PPEF1: variants seen among roughly 807,000 people sequenced by gnomAD.
PPEF1 encodes serine/threonine-protein phosphatase with EF-hands 1.
Under a neutral mutation model 53.3 loss-of-function variants are expected in PPEF1, and 12 were observed. That is an observed-to-expected ratio of 0.23 (90% CI 0.14 to 0.36). The LOEUF (loss-of-function observed/expected upper bound fraction) is 0.36. PPEF1 is among the 10% of genes least tolerant of loss of function. PPEF1 has a pLI of 1.00. For synonymous variants in PPEF1, 165 were observed against 176.7 expected (o/e 0.93, Z 0.52); for missense variants, 334 against 490.4 (o/e 0.68, Z 3.01).
intron 12 of PPEF1, among the ~76,000 whole-genome samples, chrX:18,813,712 T>C (rs1169597640): frequency 8.9e-6 from 1 of 112,027 alleles, no homozygotes; most frequent in Non-Finnish European, 1.9e-5. Flanking sequence ...ATGCCTCTCG[T>C]CAAGTGGAAG....
intron 3 of PPEF1, among the ~76,000 whole-genome samples, chrX:18,739,589 C>T (rs1324073453): frequency 8.9e-6 from 1 of 112,199 alleles, no homozygotes; most frequent in Non-Finnish European, 1.9e-5. Flanking sequence ...GTCAGGGACC[C>T]ACTTGAGGAG....
chrX:18,725,715 G>T (rs111466208), intron 1 of PPEF1, among the ~76,000 whole-genome samples: 23 of 111,793 alleles, frequency 2.1e-4, no homozygotes, highest in African/African-American at 7.5e-4. Context: ...ATGTGTGCTC[G>T]GGTACAGGCG....
chrX:18,759,139 T>C (rs1235278028), intron 5 of PPEF1, among the ~76,000 whole-genome samples: 2 of 111,510 alleles, frequency 1.8e-5, no homozygotes, highest in Non-Finnish European at 3.8e-5. Context: ...GACATCTCCA[T>C]TGGTTAAAGA....
intron 3 of PPEF1, among the ~76,000 whole-genome samples, chrX:18,740,009 C>A (rs865850314): frequency 8.9e-6 from 1 of 112,299 alleles, no homozygotes; most frequent in Non-Finnish European, 1.9e-5. Context: ...GTGGGAGTGT[C>A]CTGATTTTCC....
Position 18,677,119 on chromosome X carries a change from A to C in PPEF1, c.-587+989A>C, listed in dbSNP as rs770652044. Among the ~76,000 whole-genome samples, 6 of 106,138 alleles carry C rather than the reference A, an allele frequency of 5.7e-5. No homozygotes were observed. The South Asian group carries it at 1.3e-3, about 23-fold the overall frequency. The allele number at this position is 106,138 out of a possible 115,157, so 92.2% of individuals were successfully genotyped here. The stretch of plus-strand genomic sequence containing the variant: ...AGTGGCACGATCTCAGCTCACTGCA[A>C]CCTCTGCCTCCCGTTCGAGCAATTC... On this transcript the variant is annotated intron_variant, in intron 1 of 20. Transcript: ENST00000689646.
chrX:18,825,969 C>A, intron 15 of PPEF1, 134 bp downstream of exon 15: 1 of 405,070 alleles, frequency 2.5e-6, no homozygotes, highest in Non-Finnish European at 4.2e-6. Flanking sequence ...AGATGGAGGC[C>A]TTGCTTATGC....
chrX:18,688,640 A>G (rs941008723), intron 3 of PPEF1: 1 of 112,514 alleles, frequency 8.9e-6, no homozygotes, highest in African/African-American at 3.2e-5. Context: ...AGTCTTTGAA[A>G]TCTTTAGCTT....
intron 1 of PPEF1, among the ~76,000 whole-genome samples, chrX:18,676,572 G>T (rs1928684247): frequency 9.0e-6 from 1 of 111,124 alleles, no homozygotes; most frequent in South Asian, 3.8e-4. Flanking sequence ...CCAGCCACCG[G>T]CCGGAGGATA....
In PPEF1 at chrX:18,804,978, C is replaced by CT. The variant is rs1243657622; in HGVS notation, c.1251+911dup. Among the ~76,000 whole-genome samples the CT allele has an allele frequency of 1.6e-4, 17 of 107,198 alleles. No individual in the cohort carries two copies. In the South Asian group the frequency reaches 5.7e-3, roughly 36 times the overall value. The allele number at this position is 107,198 out of a possible 115,157, so 93.1% of individuals were successfully genotyped here. On this transcript the variant is annotated intron_variant, in intron 11 of 15. Transcript: ENST00000470157. ...CAAGTTGTTCTGGGATGCACCGTTT[C>CT]TTTTTTTTTTCTTTTTTCTTTTTTT...
intron 2 of PPEF1, among the ~76,000 whole-genome samples, chrX:18,731,973 G>A (rs959949718): frequency 3.6e-5 from 4 of 111,892 alleles, no homozygotes; most frequent in African/African-American, 9.7e-5. Flanking sequence ...TGCAACCTCC[G>A]CCTCCCAGGT....
chrX:18,707,803 C>T lies in PPEF1; in HGVS notation c.23C>T (p.Thr8Met), dbSNP rs143148558. 60 of 1,207,839 alleles carry T rather than the reference C, an allele frequency of 5.0e-5. No homozygotes were observed. The highest frequency in any genetic ancestry group is 2.3e-4 in the Middle Eastern group (1 of 4,367). ...GTCATGGGATGCAGCAGTTCTTCAA[C>T]GAAAACCAGGAGATCTGACACATGT... MGCSSSS[T>M]KTRRSDTSLR... The change falls in exon 1 of 16, where the codon ACG becomes ATG. Residue 8 changes from threonine to methionine, a missense_variant. Transcript: ENST00000470157.
intron 5 of PPEF1, among the ~76,000 whole-genome samples, chrX:18,699,819 T>G (rs768494446): frequency 3.6e-5 from 4 of 112,332 alleles, no homozygotes; most frequent in Non-Finnish European, 7.5e-5. Context: ...AGGAAAAATG[T>G]TTAGTTTTTC....
chrX:18,711,354 C>T (rs1237676939), intron 1 of PPEF1, among the ~76,000 whole-genome samples: 1 of 109,927 alleles, frequency 9.1e-6, no homozygotes, highest in Admixed American at 9.8e-5. Context: ...TGAGAAATTA[C>T]CTAATGAGTA....
At chrX:18,769,327 G>A (rs947873728) in intron 6 of PPEF1, among the ~76,000 whole-genome samples, 1 of 111,949 alleles carries the variant, frequency 8.9e-6, no homozygotes, top group East Asian at 2.8e-4. Context: ...TTTATTTTCT[G>A]AAAAGATTAA....
At chrX:18,724,677 A>G (rs977900667) in intron 1 of PPEF1, among the ~76,000 whole-genome samples, 3 of 111,673 alleles carry the variant, frequency 2.7e-5, no homozygotes, top group African/African-American at 9.8e-5. Context: ...CGGGAAGAGA[A>G]GCCCTGTTAT....
chrX:18,721,975 G>T (rs1427357580), intron 1 of PPEF1, among the ~76,000 whole-genome samples: 1 of 112,032 alleles, frequency 8.9e-6, no homozygotes, highest in Non-Finnish European at 1.9e-5. Flanking sequence ...CTGCAGGGCT[G>T]CCAGAGTTTG....
intron 3 of PPEF1, among the ~76,000 whole-genome samples, chrX:18,744,900 C>A (rs1415702063): frequency 9.4e-6 from 1 of 106,470 alleles, no homozygotes; most frequent in African/African-American, 3.4e-5. Flanking sequence ...TTATCATCCC[C>A]TTTTTGTAGA....
intron 2 of PPEF1, among the ~76,000 whole-genome samples, chrX:18,685,684 CAAAAAAAA>C (rs1212907646): frequency 2.1e-4 from 6 of 28,752 alleles, no homozygotes; most frequent in Non-Finnish European, 2.6e-4. Context: ...GACTCCATCT[CAAAAAAAA>C]AAAAAAAAAA....
chrX:18,730,186 A>C lies in PPEF1; in HGVS notation c.52A>C (p.Arg18=). ...CATATTCTGTGGGTCTGCAGCACTG[A>C]GAGCTGCGTTGATCATCCAGAACTG... ...TKTRRSDTSL[R]AALIIQNWYR... Residue 18 remains arginine, a synonymous_variant, in exon 2 of 16, where the codon AGA becomes CGA. Coordinates refer to ENST00000470157, the MANE Select transcript of PPEF1 (RefSeq NM_001377996.1). The C allele has an allele frequency of 8.3e-7, 1 of 1,207,522 alleles. No homozygotes were observed. The highest frequency in any genetic ancestry group is 1.1e-6 in the Non-Finnish European group (1 of 893,777).
Sources: gnomAD v4.1 joint callset for allele counts (sites outside exome capture counted in the v4.1 genomes callset) on GRCh38, gnomAD v4.1.1 for gene constraint, MANE v1.5 for transcripts, NCBI Gene and HGNC (gene_info 2026-07-23, HGNC 2026-07-21) for gene names.